Variants in ADARB1 observed in about 807,000 individuals in gnomAD.
ADARB1 encodes adenosine deaminase RNA specific B1.
In ADARB1, 10 loss-of-function variants were observed where a neutral mutation model predicts 52.4. That is an observed-to-expected ratio of 0.19 (90% CI 0.12 to 0.32). The LOEUF (loss-of-function observed/expected upper bound fraction) is 0.32. Among genes scored for constraint, ADARB1 ranks in the 10% least tolerant of loss-of-function variants. ADARB1 has a pLI of 1.00. For missense variants in ADARB1, 643 were observed against 922.3 expected (o/e 0.70, Z 3.92); for synonymous variants, 349 against 371.1 (o/e 0.94, Z 0.68).
chr21:45,149,228 A>G (rs1315633450), intron 2 of ADARB1, among the ~76,000 whole-genome samples: 9 of 152,168 alleles, frequency 5.9e-5, no homozygotes, highest in African/African-American at 1.9e-4. Flanking sequence ...GCCTTACTCT[A>G]TCTCAGAAGC....
intron 2 of ADARB1, among the ~76,000 whole-genome samples, chr21:45,150,326 A>G (rs919064628): frequency 1.3e-5 from 2 of 152,206 alleles, no homozygotes; most frequent in Admixed American, 6.5e-5. Flanking sequence ...CAAAATTTGA[A>G]TATCTTTCTA....
intron 2 of ADARB1, among the ~76,000 whole-genome samples, chr21:45,140,980 A>C (rs1373889357): frequency 6.6e-6 from 1 of 152,212 alleles, no homozygotes; most frequent in Non-Finnish European, 1.5e-5. Flanking sequence ...GCTTAAGCCC[A>C]GGAGTTTGAG....
In ADARB1 at chr21:45,083,565, A is replaced by G. The variant is rs1601247669; in HGVS notation, c.-220+8772A>G. Among the ~76,000 whole-genome samples the G allele has an allele frequency of 2.6e-5, 4 of 152,376 alleles. No individual in the cohort carries two copies. In the South Asian group the frequency reaches 6.2e-4, roughly 24 times the overall value. ...ATACAGTTGAAATGCATTCTCTGAA[A>G]TAATACTTATAACTACATCTTGACA... On this transcript the variant is annotated intron_variant, in intron 1 of 10. Coordinates refer to ENST00000348831, the MANE Select transcript of ADARB1 (RefSeq NM_001112.4).
At chr21:45,133,916 CAGT>C (rs1257315458) in intron 2 of ADARB1, among the ~76,000 whole-genome samples, 1 of 109,710 alleles carries the variant, frequency 9.1e-6, no homozygotes, top group African/African-American at 3.7e-5. Context: ...GTGTGCCCGA[CAGT>C]GGTGTGTGCG....
chr21:45,075,490 G>C (rs935718164), intron 1 of ADARB1, among the ~76,000 whole-genome samples: 9 of 152,224 alleles, frequency 5.9e-5, no homozygotes, highest in Non-Finnish European at 1.0e-4. Context: ...GTCCGCGCGG[G>C]ATGCTCTGCG....
At chr21:45,109,249 G>C (rs539287836) in intron 1 of ADARB1, among the ~76,000 whole-genome samples, 8 of 112,578 alleles carry the variant, frequency 7.1e-5, no homozygotes, top group African/African-American at 2.7e-4. Flanking sequence ...GTGTGCGCGC[G>C]TGTGCGTATG....
intron 3 of ADARB1, among the ~76,000 whole-genome samples, chr21:45,171,974 C>CA (rs1232336022): frequency 6.6e-6 from 1 of 152,154 alleles, no homozygotes; most frequent in Non-Finnish European, 1.5e-5. Context: ...GGAGTCCTGT[C>CA]ACGGCATGCC....
At chr21:45,156,510 C>CTTCT (rs2090652822) in intron 2 of ADARB1, among the ~76,000 whole-genome samples, 1 of 103,372 alleles carries the variant, frequency 9.7e-6, no homozygotes, top group Non-Finnish European at 2.0e-5. Flanking sequence ...CACGCACCCA[C>CTTCT]CCACCCACCC....
chr21:45,198,891 T>C (rs2092487862), intron 8 of ADARB1, among the ~76,000 whole-genome samples: 1 of 152,222 alleles, frequency 6.6e-6, no homozygotes, highest in African/African-American at 2.4e-5. Context: ...AAATCTATCA[T>C]TTCAATGTGA....
chr21:45,197,708 C>T (rs2092457722), intron 8 of ADARB1, among the ~76,000 whole-genome samples: 1 of 152,150 alleles, frequency 6.6e-6, no homozygotes, highest in Non-Finnish European at 1.5e-5. Flanking sequence ...CAGACGGTGG[C>T]ATATCCATGC....
At chr21:45,144,595 A>G (rs2089913958) in intron 2 of ADARB1, 1 of 445,066 alleles carries the variant, frequency 2.2e-6, no homozygotes, top group Non-Finnish European at 4.5e-6. Flanking sequence ...TGAATCAGAC[A>G]TTCTATTTTT....
At chr21:45,202,671 A>G (rs1353075764) in intron 8 of ADARB1, among the ~76,000 whole-genome samples, 2 of 152,138 alleles carry the variant, frequency 1.3e-5, no homozygotes, top group Non-Finnish European at 2.9e-5. Context: ...CTGTCCCCAC[A>G]CTGCCCAGTC....
chr21:45,180,256 G>C (rs542300080), intron 4 of ADARB1, 74 bp from the exon 5 acceptor site: 1 of 1,039,302 alleles, frequency 9.6e-7, no homozygotes, highest in African/African-American at 1.6e-5. Context: ...GGGAGAGTGC[G>C]TGCAGCATTG....
chr21:45,122,643 G>A (rs1394633471), intron 1 of ADARB1, among the ~76,000 whole-genome samples: 2 of 152,198 alleles, frequency 1.3e-5, no homozygotes, highest in East Asian at 1.9e-4. Context: ...GGTGGGAGAC[G>A]TGCAGAGCTG....
At chr21:45,095,729 G>A (rs1306688207) in intron 1 of ADARB1, among the ~76,000 whole-genome samples, 1 of 152,180 alleles carries the variant, frequency 6.6e-6, no homozygotes, top group East Asian at 1.9e-4. Flanking sequence ...GCGATAAGGA[G>A]TTCAGGAAAC....
In ADARB1 at chr21:45,221,880, C is replaced by G; in HGVS notation, c.1927-138C>G. 1.1e-6 allele frequency: 1 copy of G among 885,496 alleles called. No individual in the cohort carries two copies. Among genetic ancestry groups the G allele is most frequent in the South Asian group, 1.7e-5 (1 of 57,382 alleles). 54.9% of individuals were successfully genotyped at this position (885,496 alleles called of 1,614,324 possible). A position where few individuals can be genotyped will look rare whatever the true frequency, so the allele number is the denominator to read the frequency against. On this transcript the variant is annotated intron_variant, in intron 10 of 10. Coordinates refer to ENST00000348831, the MANE Select transcript of ADARB1 (RefSeq NM_001112.4). The surrounding 1 kb of genome is among the most constrained non-coding windows in gnomAD (Gnocchi z 4.9). ...GTTCTGTGTGAAGCCGTTCCCTTGG[C>G]AGAAGGCGCCTTCCTCTGGGTTGCT...
chr21:45,149,518 A>G (rs953025694), intron 2 of ADARB1, among the ~76,000 whole-genome samples: 2 of 152,340 alleles, frequency 1.3e-5, no homozygotes, highest in South Asian at 2.1e-4. Flanking sequence ...TTCTTTGACA[A>G]CTACATCTTC....
chr21:45,187,488 G>T (rs2092147595), intron 8 of ADARB1, among the ~76,000 whole-genome samples: 1 of 152,010 alleles, frequency 6.6e-6, no homozygotes, highest in African/African-American at 2.4e-5. Context: ...TTCCATTTTG[G>T]ATGCCCTTTA....
intron 1 of ADARB1, among the ~76,000 whole-genome samples, chr21:45,125,981 T>C (rs1199987681): frequency 6.6e-6 from 1 of 152,248 alleles, no homozygotes; most frequent in South Asian, 2.1e-4. Context: ...ATGTACTGCT[T>C]TATCTGTGTG....
Sources: gnomAD v4.1 joint callset for allele counts (sites outside exome capture counted in the v4.1 genomes callset) on GRCh38, gnomAD v4.1.1 for gene constraint, Gnocchi (gnomAD v3.1) non-coding constraint, MANE v1.5 for transcripts, NCBI Gene and HGNC (gene_info 2026-07-23, HGNC 2026-07-21) for gene names.